The following ADARB2 variants were observed in gnomAD, a reference collection of about 807,000 sequenced individuals.
ADARB2 encodes adenosine deaminase RNA specific B2 (inactive), also known as inactive double-stranded RNA-specific editase B2.
Under a neutral mutation model 62.2 loss-of-function variants are expected in ADARB2, and 25 were observed. The observed-to-expected ratio is 0.40, with a 90% CI of 0.29 to 0.56. The LOEUF (loss-of-function observed/expected upper bound fraction) is 0.56, where lower values mean the gene tolerates loss of function less well. Among genes scored for constraint, ADARB2 ranks in the 20% least tolerant of loss-of-function variants. The pLI is 0.43. For missense variants in ADARB2, 1,071 were observed against 1,077.4 expected (o/e 0.99, Z 0.08); for synonymous variants, 572 against 500.8 (o/e 1.14, Z -1.90).
At chr10:1,351,145 TC>T in intron 3 of ADARB2, among the ~76,000 whole-genome samples, 1 of 152,268 alleles carries the variant, frequency 6.6e-6, no homozygotes, top group African/African-American at 2.4e-5. Flanking sequence ...TGGCTGCCAC[TC>T]CCAGAGCCCC....
chr10:1,608,720 G>T (rs1564345648), intron 1 of ADARB2, among the ~76,000 whole-genome samples: 2 of 136,770 alleles, frequency 1.5e-5, no homozygotes. Context: ...AGGAAGGAAA[G>T]AAAAAAGTAA....
intron 1 of ADARB2, among the ~76,000 whole-genome samples, chr10:1,402,813 A>G (rs1209716018): frequency 2.0e-5 from 3 of 152,250 alleles, no homozygotes; most frequent in Admixed American, 1.3e-4. Flanking sequence ...AAGGGACTCC[A>G]CAATTTGCAG....
At chr10:1,668,798 C>G (rs11816991) in intron 1 of ADARB2, among the ~76,000 whole-genome samples, 1 of 152,212 alleles carries the variant, frequency 6.6e-6, no homozygotes, top group East Asian at 1.9e-4. Context: ...CTAATCTGTT[C>G]GAGAGCTTTC....
chr10:1,726,092 G>T (rs1230779593), intron 1 of ADARB2, among the ~76,000 whole-genome samples: 1 of 152,226 alleles, frequency 6.6e-6, no homozygotes, highest in Non-Finnish European at 1.5e-5. Flanking sequence ...ACTATTACGG[G>T]TAAGGATCTC....
chr10:1,661,440 GA>G (rs1208124659), intron 1 of ADARB2, among the ~76,000 whole-genome samples: 1 of 152,198 alleles, frequency 6.6e-6, no homozygotes, highest in Non-Finnish European at 1.5e-5. Flanking sequence ...AAGAGAATTA[GA>G]AAGCTTCACT....
chr10:1,729,969 T>G (rs1356204699), intron 1 of ADARB2, among the ~76,000 whole-genome samples: 1 of 152,238 alleles, frequency 6.6e-6, no homozygotes, highest in Non-Finnish European at 1.5e-5. Context: ...CAGCACAGAT[T>G]AATTAAATCG....
At chr10:1,549,869 T>C (rs1048238948) in intron 1 of ADARB2, among the ~76,000 whole-genome samples, 1 of 152,030 alleles carries the variant, frequency 6.6e-6, no homozygotes, top group Non-Finnish European at 1.5e-5. Context: ...TCTCACCCCC[T>C]CTCCTGGGTG....
At chr10:1,622,849 C>T (rs1477270633) in intron 1 of ADARB2, among the ~76,000 whole-genome samples, 1 of 152,156 alleles carries the variant, frequency 6.6e-6, no homozygotes. Flanking sequence ...GGAATGAAAA[C>T]ACGTCCACGC....
chr10:1,729,559 C>T (rs1031404283), intron 1 of ADARB2, among the ~76,000 whole-genome samples: 6 of 152,308 alleles, frequency 3.9e-5, no homozygotes, highest in Admixed American at 2.6e-4. Flanking sequence ...AATGCAATTA[C>T]ACTTTTAGGA....
chr10:1,587,813 T>C (rs1241747833), intron 1 of ADARB2, among the ~76,000 whole-genome samples: 1 of 152,170 alleles, frequency 6.6e-6, no homozygotes, highest in Non-Finnish European at 1.5e-5. Flanking sequence ...CCCCCTGTAC[T>C]ATTCTCACGG....
At chr10:1,324,869 T>C (rs1204177508) in intron 3 of ADARB2, among the ~76,000 whole-genome samples, 2 of 152,058 alleles carry the variant, frequency 1.3e-5, no homozygotes, top group African/African-American at 4.8e-5. Context: ...GCAAGTACAA[T>C]TAAAACTGGG....
At chr10:1,205,970 G>T (rs1837055109) in intron 7 of ADARB2, among the ~76,000 whole-genome samples, 1 of 151,546 alleles carries the variant, frequency 6.6e-6, no homozygotes, top group South Asian at 2.1e-4. Context: ...GCCCGTTGGG[G>T]TCAGGTGGGT....
intron 3 of ADARB2, 53 bp downstream of exon 3, chr10:1,362,975 T>A (rs1832274253): frequency 9.5e-6 from 12 of 1,265,310 alleles, no homozygotes; most frequent in Non-Finnish European, 1.2e-5. Context: ...GGTCGGGGTC[T>A]CCCCCGCGCC....
chr10:1,670,113 A>G (rs549985827), intron 1 of ADARB2, among the ~76,000 whole-genome samples: 9 of 152,308 alleles, frequency 5.9e-5, no homozygotes, highest in African/African-American at 1.7e-4. Context: ...CCTCTGTGGA[A>G]CCCTACACTA....
chr10:1,706,978 G>GAC (rs1564200540), intron 1 of ADARB2, among the ~76,000 whole-genome samples: 1 of 138,118 alleles, frequency 7.2e-6, no homozygotes, highest in Non-Finnish European at 1.6e-5. Flanking sequence ...GGGGCCTCCT[G>GAC]ACATGGCTTC....
intron 1 of ADARB2, among the ~76,000 whole-genome samples, chr10:1,558,318 C>A (rs1672357492): frequency 7.1e-6 from 1 of 141,760 alleles, no homozygotes; most frequent in Non-Finnish European, 1.5e-5. Flanking sequence ...CCCCACGCAC[C>A]CCATCTAAAT....
intron 1 of ADARB2, among the ~76,000 whole-genome samples, chr10:1,471,549 C>T (rs1831322576): frequency 6.6e-6 from 1 of 152,136 alleles, no homozygotes; most frequent in South Asian, 2.1e-4. Flanking sequence ...CGCCACCATG[C>T]CTGGCTAATT....
chr10:1,324,089 G>T (rs1244714423), intron 3 of ADARB2, among the ~76,000 whole-genome samples: 3 of 152,158 alleles, frequency 2.0e-5, no homozygotes, highest in South Asian at 2.1e-4. Flanking sequence ...ATGGGCAAAA[G>T]ACACAAAGAC....
At chr10:1,272,246 T>C (rs1182399683) in intron 3 of ADARB2, among the ~76,000 whole-genome samples, 1 of 152,150 alleles carries the variant, frequency 6.6e-6, no homozygotes, top group African/African-American at 2.4e-5. Flanking sequence ...AGGCATGTGT[T>C]GATGTTGATA....
Sources: allele counts gnomAD v4.1 joint callset (sites outside exome capture counted in the v4.1 genomes callset), GRCh38; gene constraint gnomAD v4.1.1; transcripts MANE v1.5; gene names NCBI Gene and HGNC (gene_info 2026-07-23, HGNC 2026-07-21).